FTH1: variants seen among roughly 807,000 people sequenced by gnomAD.
The protein encoded by FTH1 is ferritin heavy chain 1.
In FTH1, 3 loss-of-function variants were observed where a neutral mutation model predicts 21.8. That is an observed-to-expected ratio of 0.14 (90% CI 0.06 to 0.36). The LOEUF is 0.36. FTH1 is among the 10% of genes least tolerant of loss of function. The probability of loss-of-function intolerance (pLI) is 1.00; values close to 1 mark genes in which losing one functional copy is unlikely to be tolerated. For missense variants in FTH1, 147 were observed against 225.8 expected (o/e 0.65, Z 2.24); for synonymous variants, 83 against 90.1 (o/e 0.92, Z 0.45).
chr11:61,964,692 G>C lies in FTH1; in HGVS notation c.*35C>G. The stretch of plus-strand genomic sequence containing the variant: ...ATGCACTGCCTTGGTGACCAGGGAA[G>C]TCACCCCACGGCTATGGGGAAATTA... On this transcript the variant is annotated 3_prime_UTR_variant, in exon 4 of 4. Transcript: ENST00000273550. 1 of 1,596,446 alleles carries C rather than the reference G, an allele frequency of 6.3e-7. No individual in the cohort carries two copies. The highest frequency in any genetic ancestry group is 8.5e-7 in the Non-Finnish European group (1 of 1,178,724).
chr11:61,966,917 C>T (rs760415443), intron 1 of FTH1: 3 of 161,154 alleles, frequency 1.9e-5, no homozygotes, highest in Non-Finnish European at 2.7e-5. Flanking sequence ...AGCTGGATAC[C>T]TAAGCAAAAA....
In FTH1 at chr11:61,965,315, T is replaced by C. The variant is rs973797847; in HGVS notation, c.261+54A>G. The C allele has an allele frequency of 4.3e-6, 7 of 1,610,812 alleles. No individual in the cohort carries two copies. In the African/African-American group the frequency reaches 9.3e-5, roughly 22 times the overall value. On this transcript the variant is annotated intron_variant, in intron 2 of 3. Coordinates refer to ENST00000273550, the MANE Select transcript of FTH1 (RefSeq NM_002032.3). Reference sequence around the variant, plus strand: ...AATTGCTAGTTTAAGTGATTTCTGATACCCGAACACTGCCAGATGATGAAG... The same window carrying C: ...AATTGCTAGTTTAAGTGATTTCTGACACCCGAACACTGCCAGATGATGAAG...
chr11:61,967,618 G>A lies in FTH1; in HGVS notation c.-193C>T. 1 of 664,594 alleles carries A rather than the reference G, an allele frequency of 1.5e-6. No homozygotes were observed. 41.2% of individuals were successfully genotyped at this position (664,594 alleles called of 1,614,324 possible). A position where few individuals can be genotyped will look rare whatever the true frequency, so the allele number is the denominator to read the frequency against. On this transcript the variant is annotated 5_prime_UTR_variant, in exon 1 of 4. Coordinates refer to ENST00000273550, the MANE Select transcript of FTH1 (RefSeq NM_002032.3). Reference sequence around the variant, plus strand: ...GAAGCAGGAAACCCCGACGACTCTCGGCGAAGAACGTCTGGCCCTGCGGGT... The same window carrying A: ...GAAGCAGGAAACCCCGACGACTCTCAGCGAAGAACGTCTGGCCCTGCGGGT...
chr11:61,967,248 C>T, intron 1 of FTH1, 64 bp downstream of exon 1: 6 of 1,082,076 alleles, frequency 5.5e-6, no homozygotes, highest in Non-Finnish European at 7.9e-6. Context: ...CCCCGGCCCG[C>T]CCCAGCGCGC....
Position 61,965,459 on chromosome 11 carries a change from A to C in FTH1, c.171T>G (p.Leu57=). 6.2e-7 allele frequency: 1 copy of C among 1,610,446 alleles called. No homozygotes were observed. Among genetic ancestry groups the C allele is most frequent in the Non-Finnish European group, 8.5e-7 (1 of 1,180,010 alleles). ...VALKNFAKYF[L]HQSHEEREHA... ...GTTCCCTCTCCTCATGAGATTGGTGAAGAAAGTATTTGGCAAAGTTCTTCA... is the reference window on the plus strand; with the variant it reads ...GTTCCCTCTCCTCATGAGATTGGTGCAGAAAGTATTTGGCAAAGTTCTTCA... Residue 57 remains leucine, a synonymous_variant, in exon 2 of 4, where the codon CTT becomes CTG. Transcript: ENST00000273550.
At chr11:61,966,302 C>G (rs1942460502) in intron 1 of FTH1, among the ~76,000 whole-genome samples, 1 of 152,132 alleles carries the variant, frequency 6.6e-6, no homozygotes, top group Non-Finnish European at 1.5e-5. Context: ...TAAAAACCCC[C>G]ATGCAAGGTG....
Position 61,965,360 on chromosome 11 carries a change from T to C in FTH1, c.261+9A>G. 2 of 1,612,596 alleles carry C rather than the reference T, an allele frequency of 1.2e-6. No individual in the cohort carries two copies. Among genetic ancestry groups the C allele is most frequent in the Non-Finnish European group, 1.7e-6 (2 of 1,179,938 alleles). On this transcript the variant is annotated intron_variant, in intron 2 of 3. Coordinates refer to ENST00000273550, the MANE Select transcript of FTH1 (RefSeq NM_002032.3). ...ATGAAGTATGACACCCCTAGGATCT[T>C]TTGTTCACCTTGATATCCTGAAGGA...
intron 1 of FTH1, among the ~76,000 whole-genome samples, chr11:61,966,088 C>A (rs779996613): frequency 6.6e-6 from 1 of 152,164 alleles, no homozygotes. Flanking sequence ...TCCTGGTCAA[C>A]ATGGTGAAAC....
chr11:61,964,501 T>C lies in FTH1; in HGVS notation c.*226A>G. 3.1e-6 allele frequency: 2 copies of C among 635,612 alleles called. No individual in the cohort carries two copies. Among genetic ancestry groups the C allele is most frequent in the South Asian group, 3.9e-5 (2 of 51,382 alleles). 39.4% of individuals were successfully genotyped at this position (635,612 alleles called of 1,614,324 possible). On this transcript the variant is annotated 3_prime_UTR_variant, in exon 4 of 4. Coordinates refer to ENST00000273550, the MANE Select transcript of FTH1 (RefSeq NM_002032.3). ...GTGATTAGAACTGAACAACGGCACTTAAGGAATCTGGAAGATAGCCTGGAT... is the reference window on the plus strand; with the variant it reads ...GTGATTAGAACTGAACAACGGCACTCAAGGAATCTGGAAGATAGCCTGGAT...
intron 1 of FTH1, among the ~76,000 whole-genome samples, chr11:61,966,014 C>G (rs1487546608): frequency 6.6e-6 from 1 of 152,148 alleles, no homozygotes; most frequent in Non-Finnish European, 1.5e-5. Context: ...GGTGGCTCAG[C>G]CTGTAATCCC....
At chr11:61,965,300 TTAAG>T (rs1289329640) in intron 2 of FTH1, 65 bp downstream of exon 2, 1 of 1,608,110 alleles carries the variant, frequency 6.2e-7, no homozygotes, top group African/African-American at 1.3e-5. Flanking sequence ...AATTGCTAGT[TTAAG>T]TGATTTCTGA....
In FTH1 at chr11:61,964,656, C is replaced by T; in HGVS notation, c.*71G>A. The T allele has an allele frequency of 1.3e-6, 2 of 1,501,488 alleles. No homozygotes were observed. The highest frequency in any genetic ancestry group is 1.1e-5 in the South Asian group (1 of 88,872). The allele number at this position is 1,501,488 out of a possible 1,614,324, so 93.0% of individuals were successfully genotyped here. A position where few individuals can be genotyped will look rare whatever the true frequency, so the allele number is the denominator to read the frequency against. ...CAACTTATAGAAAAGGTAAAGGAAA[C>T]CCCAACATGCATGCACTGCCTTGGT... On this transcript the variant is annotated 3_prime_UTR_variant, in exon 4 of 4. Transcript: ENST00000273550.
At position 61,964,895 on chromosome 11, in the gene FTH1, C is replaced by CA. The variant is rs772282996; in HGVS notation, c.388-5dup. On this transcript the variant is annotated splice_polypyrimidine_tract_variant and splice_region_variant and intron_variant, in intron 3 of 3. Transcript: ENST00000273550. ...GTGTCTCAATGAAGTCACACAACTG[C>CA]AAAACAATGGGGAAGACAGTTAGTG... 1.2e-6 allele frequency: 2 copies of CA among 1,610,506 alleles called. No homozygotes were observed. The highest frequency in any genetic ancestry group is 1.7e-6 in the Non-Finnish European group (2 of 1,180,028).
intron 1 of FTH1, 57 bp downstream of exon 1, chr11:61,967,255 G>T: frequency 8.6e-7 from 1 of 1,157,720 alleles, no homozygotes; most frequent in Non-Finnish European, 1.2e-6. Context: ...CCGCCCCAGC[G>T]CGCGCCCCGG....
chr11:61,965,665 G>A (rs929763351), intron 1 of FTH1, 150 bp from the exon 2 acceptor site: 3 of 790,678 alleles, frequency 3.8e-6, no homozygotes, highest in Middle Eastern at 2.2e-4. Context: ...AGACTGGGGG[G>A]CAGATGAGCT....
Position 61,965,051 on chromosome 11 carries a change from T to C in FTH1, c.323A>G (p.Glu108Gly). 1 of 1,612,458 alleles carries C rather than the reference T, an allele frequency of 6.2e-7. No homozygotes were observed. Among genetic ancestry groups the C allele is most frequent in the Non-Finnish European group, 8.5e-7 (1 of 1,180,008 alleles). ...CAGTAGTGACTGATTCACATTTTTT[T>C]CCAAATGTAATGCACACTCCATTGC... ...LNAMECALHL[E>G]KNVNQSLLEL... The change falls in exon 3 of 4, where the codon GAA (glutamate) becomes GGA (glycine). Residue 108 changes from glutamate to glycine, a missense_variant. Transcript: ENST00000273550.
At position 61,965,282 on chromosome 11, in the gene FTH1, A is replaced by G. The variant is rs947631065; in HGVS notation, c.261+87T>C. On this transcript the variant is annotated intron_variant, in intron 2 of 3. Coordinates refer to ENST00000273550, the MANE Select transcript of FTH1 (RefSeq NM_002032.3). ...CAAAAGCCCAGTGTATCATCACTTTATAAGGGCAATTGCTAGTTTAAGTGA... is the reference window on the plus strand; with the variant it reads ...CAAAAGCCCAGTGTATCATCACTTTGTAAGGGCAATTGCTAGTTTAAGTGA... The G allele has an allele frequency of 3.1e-5, 49 of 1,593,102 alleles. 1 individual carries two copies. The Middle Eastern group carries it at 5.5e-4, about 18-fold the overall frequency.
intron 1 of FTH1, among the ~76,000 whole-genome samples, chr11:61,966,116 TA>T (rs891442641): frequency 6.6e-6 from 1 of 150,994 alleles, no homozygotes; most frequent in Non-Finnish European, 1.5e-5. Flanking sequence ...CTACTAAAAA[TA>T]AAAAAAAATA....
rs1565050954 is a variant in FTH1 at position 61,967,457 on chromosome 11, C to T, written c.-32G>A. 93 of 1,401,138 alleles carry T rather than the reference C, an allele frequency of 6.6e-5. No homozygotes were observed. The highest frequency in any genetic ancestry group is 8.1e-5 in the Non-Finnish European group (82 of 1,011,464). The allele number at this position is 1,401,138 out of a possible 1,614,324, so 86.8% of individuals were successfully genotyped here. A position where few individuals can be genotyped will look rare whatever the true frequency, so the allele number is the denominator to read the frequency against. ...GACTAAGGAGAGGCGGCGGCGGCGG[C>T]GGTGGCTGCGCGGCGCTGGAGCGGC... On this transcript the variant is annotated 5_prime_UTR_variant, in exon 1 of 4. Coordinates refer to ENST00000273550, the MANE Select transcript of FTH1 (RefSeq NM_002032.3).
Sources: allele counts gnomAD v4.1 joint callset (sites outside exome capture counted in the v4.1 genomes callset), GRCh38; gene constraint gnomAD v4.1.1; transcripts MANE v1.5; gene names NCBI Gene and HGNC (gene_info 2026-07-23, HGNC 2026-07-21).